The following VPS13C variants were observed in gnomAD, a reference collection of about 807,000 sequenced individuals.
VPS13C encodes vacuolar protein sorting 13 homolog C.
VPS13C carries 358 observed loss-of-function variants against 456.8 expected under a neutral mutation model. The observed-to-expected ratio is 0.78, with a 90% CI of 0.72 to 0.86. The LOEUF (loss-of-function observed/expected upper bound fraction) is 0.86. Ranked by LOEUF, VPS13C falls within the 40% of genes least tolerant of loss-of-function variation. The probability of loss-of-function intolerance (pLI) is 0.00; values close to 1 mark genes in which losing one functional copy is unlikely to be tolerated. For synonymous variants in VPS13C, 1,578 were observed against 1,486.7 expected (o/e 1.06, Z -1.41); for missense variants, 4,818 against 4,385.4 (o/e 1.10, Z -2.79).
intron 53 of VPS13C, among the ~76,000 whole-genome samples, chr15:61,925,016 T>C (rs2043798136): frequency 1.3e-5 from 2 of 152,226 alleles, no homozygotes; most frequent in Non-Finnish European, 2.9e-5. Context: ...AGTGTACATC[T>C]GTCATTATAA....
At chr15:61,960,783 A>T (rs1053474057) in intron 35 of VPS13C, among the ~76,000 whole-genome samples, 10 of 152,282 alleles carry the variant, frequency 6.6e-5, no homozygotes, top group African/African-American at 2.4e-4. Flanking sequence ...TGATTAAAAA[A>T]CTGTTCTGGT....
At chr15:62,056,045 C>T (rs958962117) in intron 1 of VPS13C, among the ~76,000 whole-genome samples, 1 of 152,136 alleles carries the variant, frequency 6.6e-6, no homozygotes, top group African/African-American at 2.4e-5. Flanking sequence ...TACAAAGTCA[C>T]CTCCCACTGA....
At chr15:62,001,780 G>C (rs1432955905) in intron 15 of VPS13C, among the ~76,000 whole-genome samples, 10 of 151,966 alleles carry the variant, frequency 6.6e-5, no homozygotes, top group Non-Finnish European at 1.3e-4. Context: ...TTGGTTTTTT[G>C]TTCTTGCGAT....
At chr15:61,940,620 T>C (rs750327428) in intron 47 of VPS13C, 27 bp downstream of exon 47, 1 of 1,586,548 alleles carries the variant, frequency 6.3e-7, no homozygotes, top group Non-Finnish European at 8.6e-7. Context: ...TCAAGAAATT[T>C]TCATATATTA....
chr15:61,916,785 A>T (rs549053040), intron 60 of VPS13C, among the ~76,000 whole-genome samples: 134 of 152,080 alleles, frequency 8.8e-4, no homozygotes, highest in African/African-American at 3.1e-3. Context: ...GACAGTAATT[A>T]TTTTTTTTAT....
chr15:61,910,571 A>T (rs2043275934), intron 63 of VPS13C, among the ~76,000 whole-genome samples: 2 of 152,134 alleles, frequency 1.3e-5, no homozygotes, highest in Non-Finnish European at 2.9e-5. Context: ...GAGCCTGTTG[A>T]TTAAGAATTA....
chr15:61,947,111 T>A (rs2044631325), intron 43 of VPS13C, 82 bp downstream of exon 43: 1 of 881,482 alleles, frequency 1.1e-6, no homozygotes, highest in Non-Finnish European at 1.7e-6. Flanking sequence ...AGAAAACTCA[T>A]GAGAAATCTA....
chr15:61,931,484 T>C (rs2044054180), intron 49 of VPS13C, among the ~76,000 whole-genome samples: 2 of 152,024 alleles, frequency 1.3e-5, no homozygotes, highest in African/African-American at 4.8e-5. Flanking sequence ...CAATGATTAG[T>C]ATAGAAAAAT....
chr15:61,935,692 C>G (rs965935660), intron 48 of VPS13C: 4 of 152,190 alleles, frequency 2.6e-5, no homozygotes, highest in African/African-American at 9.7e-5. Flanking sequence ...TTGACCTCAT[C>G]AAGCTTATGC....
In VPS13C at chr15:61,871,361, T is replaced by A. The variant is rs142731334; in HGVS notation, c.10624+628A>T. Among the ~76,000 whole-genome samples, 897 of 152,266 alleles carry A rather than the reference T, an allele frequency of 5.9e-3. 7 individuals are homozygous for A. Among genetic ancestry groups the A allele is most frequent in the African/African-American group, 0.021 (852 of 41,558 alleles). On this transcript the variant is annotated intron_variant, in intron 79 of 84. Coordinates refer to ENST00000644861, the MANE Select transcript of VPS13C (RefSeq NM_020821.3). ...ATTTCTTGAGGACGGTTCTTTCCTA[T>A]TGAATTATCTTGACATCCTTGTCGA...
intron 1 of VPS13C, among the ~76,000 whole-genome samples, chr15:62,049,544 C>A (rs2140769308): frequency 6.6e-6 from 1 of 152,280 alleles, no homozygotes; most frequent in Middle Eastern, 3.4e-3. Context: ...CGTGATGTCT[C>A]CGGCTTTGTT....
At chr15:61,912,866 C>T (rs1451850700) in intron 62 of VPS13C, among the ~76,000 whole-genome samples, 2 of 142,734 alleles carry the variant, frequency 1.4e-5, no homozygotes, top group Non-Finnish European at 3.0e-5. Context: ...TTGTTCAATT[C>T]CTACCTATGA....
chr15:61,901,534 G>C (rs1368814599), intron 66 of VPS13C, among the ~76,000 whole-genome samples: 2 of 152,202 alleles, frequency 1.3e-5, no homozygotes, highest in East Asian at 3.8e-4. Flanking sequence ...CTGGCCATCA[G>C]AGAAATCCAA....
intron 3 of VPS13C, among the ~76,000 whole-genome samples, chr15:62,040,112 T>C (rs1018485345): frequency 4.6e-5 from 7 of 152,094 alleles, no homozygotes; most frequent in South Asian, 4.1e-4. Flanking sequence ...CAGGCACAAA[T>C]AGACAAGCTT....
At chr15:61,868,808 C>T (rs769936941) in intron 80 of VPS13C, 35 bp from the exon 81 acceptor site, 11 of 1,506,104 alleles carry the variant, frequency 7.3e-6, no homozygotes, top group East Asian at 4.6e-5. Flanking sequence ...TAAGAAAATA[C>T]GTGAGAGTCT....
intron 15 of VPS13C, among the ~76,000 whole-genome samples, chr15:62,006,064 G>GC (rs1032646356): frequency 8.9e-5 from 13 of 146,816 alleles, no homozygotes; most frequent in African/African-American, 3.2e-4. Context: ...AGTAAAAGCT[G>GC]TTTTTTTGTT....
At chr15:61,889,840 C>T (rs1156735290) in intron 67 of VPS13C, among the ~76,000 whole-genome samples, 2 of 152,000 alleles carry the variant, frequency 1.3e-5, no homozygotes, top group Non-Finnish European at 2.9e-5. Context: ...CTTTGTACAT[C>T]CTTTCCTTTT....
chr15:61,881,583 G>C lies in VPS13C; in HGVS notation c.9756C>G (p.Tyr3252Ter). 1 of 1,612,182 alleles carries C rather than the reference G, an allele frequency of 6.2e-7. No individual in the cohort carries two copies. The highest frequency in any genetic ancestry group is 8.5e-7 in the Non-Finnish European group (1 of 1,179,108). Residue 3252 changes from tyrosine (Y) to a stop codon, truncating the protein, a stop_gained, in exon 71 of 85, where the codon TAC becomes TAG. Coordinates refer to ENST00000644861, the MANE Select transcript of VPS13C (RefSeq NM_020821.3). LOFTEE classifies it high-confidence loss of function. Reference sequence around the variant, plus strand: ...CTTACTTGAACTGTAAGACTTTACTGTACTCATTAAATCTTGTGATGACAC... The same window carrying C: ...CTTACTTGAACTGTAAGACTTTACTCTACTCATTAAATCTTGTGATGACAC... The part of the protein sequence containing the change: ...DVSVITRFNE[Y>*]SKVLQFKYFM...
chr15:62,032,385 T>C (rs2047848693), intron 5 of VPS13C, among the ~76,000 whole-genome samples: 1 of 151,726 alleles, frequency 6.6e-6, no homozygotes, highest in Non-Finnish European at 1.5e-5. Flanking sequence ...GAAGACAAAA[T>C]ATGCTCAAGT....
Sources: allele counts gnomAD v4.1 joint callset (sites outside exome capture counted in the v4.1 genomes callset), GRCh38; gene constraint gnomAD v4.1.1; transcripts MANE v1.5; gene names NCBI Gene and HGNC (gene_info 2026-07-23, HGNC 2026-07-21).